Variants in AGBL3 observed in about 807,000 individuals in gnomAD.
AGBL3 encodes the protein AGBL carboxypeptidase 3, also known as cytosolic carboxypeptidase 3.
Under a neutral mutation model 94.5 loss-of-function variants are expected in AGBL3, and 68 were observed. The ratio of observed to expected loss-of-function variants is 0.72; its 90% CI spans 0.59 to 0.88. AGBL3 has a LOEUF of 0.88. Among genes scored for constraint, AGBL3 ranks in the 40% least tolerant of loss-of-function variants. The pLI, the probability that AGBL3 is intolerant of heterozygous loss-of-function variation, is 0.00. For synonymous variants in AGBL3, 354 were observed against 370.7 expected, an observed-to-expected ratio of 0.95 and a Z score of 0.52; for missense variants, 934 against 1,103.8, an observed-to-expected ratio of 0.85 and a Z score of 2.18.
intron 5 of AGBL3, among the ~76,000 whole-genome samples, chr7:135,024,944 C>T (rs1814927746): frequency 6.6e-6 from 1 of 151,354 alleles, no homozygotes; most frequent in Admixed American, 6.6e-5. Context: ...TTTTAATGAA[C>T]AAAACCTTTG....
intron 5 of AGBL3, among the ~76,000 whole-genome samples, chr7:135,019,408 T>A (rs1005295143): frequency 6.6e-6 from 1 of 152,246 alleles, no homozygotes; most frequent in African/African-American, 2.4e-5. Context: ...TCCTGCCTAC[T>A]TATAAACTTT....
chr7:135,056,754 G>C (rs1410613424), intron 11 of AGBL3, among the ~76,000 whole-genome samples: 3 of 152,098 alleles, frequency 2.0e-5, no homozygotes, highest in African/African-American at 7.2e-5. Context: ...TAAATAAATG[G>C]AGAGAGAGTT....
chr7:135,044,354 T>G (rs1048714877), intron 9 of AGBL3, among the ~76,000 whole-genome samples: 7 of 152,182 alleles, frequency 4.6e-5, no homozygotes, highest in African/African-American at 7.2e-5. Context: ...GAAAGGAAGA[T>G]TTAAGCATAT....
chr7:135,009,641 A>G (rs893388974), intron 4 of AGBL3, among the ~76,000 whole-genome samples: 5 of 152,110 alleles, frequency 3.3e-5, no homozygotes, highest in Non-Finnish European at 5.9e-5. Flanking sequence ...CCCCTCCCCA[A>G]CACAACACCA....
intron 5 of AGBL3, among the ~76,000 whole-genome samples, chr7:135,028,722 GAA>G (rs1377242256): frequency 1.3e-5 from 2 of 152,236 alleles, no homozygotes; most frequent in Non-Finnish European, 2.9e-5. Context: ...ATCTAGAATG[GAA>G]AATGCTTTCC....
At position 134,993,696 on chromosome 7, in the gene AGBL3, T is replaced by C. The variant is rs1403726367; in HGVS notation, c.310+18T>C. ...GCATATTGGTATGTTTTTAGCAGTT[T>C]GGGGGATTCAGACATTAGCAAACTT... On this transcript the variant is annotated intron_variant, in intron 4 of 16. Coordinates refer to ENST00000436302, the MANE Select transcript of AGBL3 (RefSeq NM_178563.4). 3 of 1,507,560 alleles carry C rather than the reference T, an allele frequency of 2.0e-6. No individual in the cohort carries two copies. The highest frequency in any genetic ancestry group is 4.4e-5 in the Admixed American group (2 of 45,686). The allele number at this position is 1,507,560 out of a possible 1,614,324, so 93.4% of individuals were successfully genotyped here.
chr7:135,123,605 G>A (rs566108278), intron 16 of AGBL3, among the ~76,000 whole-genome samples: 298 of 152,232 alleles, frequency 2.0e-3, no homozygotes, highest in African/African-American at 6.8e-3. Flanking sequence ...ATTCTCTAAG[G>A]TCAAAATGAA....
rs780810857 is a variant in AGBL3, at chr7:135,037,555, T to C, written c.1475T>C (p.Met492Thr). 13 of 1,540,092 alleles carry C rather than the reference T, an allele frequency of 8.4e-6. 1 individual carries two copies. Among genetic ancestry groups the C allele is most frequent in the South Asian group, 4.9e-5 (4 of 81,722 alleles). The change falls in exon 8 of 17, where the codon ATG (methionine) becomes ACG (threonine). Residue 492 changes from methionine (M) to threonine (T), a missense_variant. Physicochemically the swap from Met to Thr is moderately conservative, Grantham distance 81. Coordinates refer to ENST00000436302, the MANE Select transcript of AGBL3 (RefSeq NM_178563.4). ...LYLQQRIFPL[M>T]LSKNCPDKFS... ...TTACAGCAACGAATCTTCCCACTTA[T>C]GCTAAGCAAAAATTGTCCAGATAAA...
At chr7:135,058,397 AC>A (rs1449093965) in intron 11 of AGBL3, among the ~76,000 whole-genome samples, 1 of 152,120 alleles carries the variant, frequency 6.6e-6, no homozygotes, top group Non-Finnish European at 1.5e-5. Flanking sequence ...GATTTGTTTG[AC>A]CCTTTTTTCT....
At chr7:135,073,148 C>G (rs1303231952) in intron 12 of AGBL3, among the ~76,000 whole-genome samples, 1 of 151,826 alleles carries the variant, frequency 6.6e-6, no homozygotes, top group Non-Finnish European at 1.5e-5. Context: ...TACCAGGGGT[C>G]GGGGAGATGT....
At chr7:135,052,102 T>C (rs757472775) in intron 11 of AGBL3, among the ~76,000 whole-genome samples, 1 of 152,196 alleles carries the variant, frequency 6.6e-6, no homozygotes, top group Non-Finnish European at 1.5e-5. Context: ...TCCCCCCTTC[T>C]GTACCCTGTT....
At chr7:135,130,459 A>G (rs1316230947) in intron 16 of AGBL3, among the ~76,000 whole-genome samples, 1 of 152,122 alleles carries the variant, frequency 6.6e-6, no homozygotes, top group Non-Finnish European at 1.5e-5. Context: ...TAGATTCAAA[A>G]TGACTTGTCT....
intron 4 of AGBL3, chr7:135,011,414 A>C (rs917385033): frequency 1.3e-5 from 2 of 152,198 alleles, no homozygotes; most frequent in South Asian, 2.1e-4. Flanking sequence ...AAGACTGATA[A>C]ATTTGACTAC....
chr7:135,040,968 T>G (rs1378798971), intron 8 of AGBL3, among the ~76,000 whole-genome samples: 1 of 151,524 alleles, frequency 6.6e-6, no homozygotes, highest in Non-Finnish European at 1.5e-5. Flanking sequence ...AAAAAACAAT[T>G]GCATTTCTGT....
intron 11 of AGBL3, among the ~76,000 whole-genome samples, chr7:135,049,858 C>T (rs1447228848): frequency 1.3e-5 from 2 of 151,680 alleles, no homozygotes; most frequent in Non-Finnish European, 1.5e-5. Context: ...AAAACTAATT[C>T]TTAGTTTCAC....
chr7:135,112,440 A>C, intron 15 of AGBL3, among the ~76,000 whole-genome samples: 1 of 152,194 alleles, frequency 6.6e-6, no homozygotes, highest in East Asian at 1.9e-4. Flanking sequence ...CCATGTCTTC[A>C]TACCTACCTG....
At chr7:135,128,769 T>G (rs1828317248) in intron 16 of AGBL3, 1 of 1,321,708 alleles carries the variant, frequency 7.6e-7, no homozygotes, top group Non-Finnish European at 1.1e-6. Context: ...CAGAGCTAGA[T>G]TTTGGAGGAA....
chr7:135,115,237 T>G, intron 15 of AGBL3, 143 bp from the exon 16 acceptor site: 1 of 551,196 alleles, frequency 1.8e-6, no homozygotes, highest in Non-Finnish European at 3.2e-6. Context: ...TTTTATTTGT[T>G]TATTTTCTGC....
intron 15 of AGBL3, among the ~76,000 whole-genome samples, chr7:135,085,686 G>T (rs759270433): frequency 6.6e-6 from 1 of 152,120 alleles, no homozygotes; most frequent in East Asian, 1.9e-4. Context: ...GGGGTTCTCT[G>T]TTCTGTCTCA....
Sources: gnomAD v4.1 joint callset for allele counts (sites outside exome capture counted in the v4.1 genomes callset) on GRCh38, gnomAD v4.1.1 for gene constraint, MANE v1.5 for transcripts, NCBI Gene and HGNC (gene_info 2026-07-23, HGNC 2026-07-21) for gene names.